The following RMDN1 variants were observed in gnomAD, a reference collection of about 807,000 sequenced individuals.
RMDN1 encodes regulator of microtubule dynamics 1.
RMDN1 carries 48 observed loss-of-function variants against 48.9 expected under a neutral mutation model. The ratio of observed to expected loss-of-function variants is 0.98; its 90% CI spans 0.78 to 1.25. The LOEUF is 1.25. Among genes scored for constraint, RMDN1 ranks in the 50% most tolerant of loss-of-function variants. RMDN1 has a pLI of 0.00. For synonymous variants in RMDN1, 148 were observed against 132.6 expected (o/e 1.12, Z -0.80); for missense variants, 418 against 373.4 (o/e 1.12, Z -0.98).
At chr8:86,477,433 T>G in intron 7 of RMDN1, 109 bp from the exon 8 acceptor site, 1 of 820,160 alleles carries the variant, frequency 1.2e-6, no homozygotes, top group Non-Finnish European at 1.9e-6. Flanking sequence ...AGTCAGGAAG[T>G]AAATCATCTT....
intron 8 of RMDN1, among the ~76,000 whole-genome samples, chr8:86,476,267 A>G (rs541092569): frequency 6.6e-6 from 1 of 152,342 alleles, no homozygotes; most frequent in South Asian, 2.1e-4. Flanking sequence ...ATGATATGTG[A>G]AACAGTATGA....
At chr8:86,468,794 A>T (rs1323711417), downstream of RMDN1, 2 of 441,710 alleles carry the variant, frequency 4.5e-6, no homozygotes, top group Non-Finnish European at 9.0e-6. Context: ...CAAGACCTAC[A>T]GGCAGAGCTC....
intron 5 of RMDN1, 185 bp downstream of exon 5, chr8:86,484,687 T>C (rs1252476774): frequency 7.7e-5 from 31 of 402,582 alleles, no homozygotes; most frequent in Non-Finnish European, 8.7e-6. Context: ...CATTGCACTC[T>C]AGCCCGGATG....
chr8:86,494,422 G>C (rs1268488653), intron 2 of RMDN1, among the ~76,000 whole-genome samples: 1 of 152,152 alleles, frequency 6.6e-6, no homozygotes, highest in Non-Finnish European at 1.5e-5. Context: ...TGGGCATGGT[G>C]ACACATGCCT....
rs531580744 is a variant in RMDN1 at position 86,472,699 on chromosome 8, T to C, written c.*1609A>G. ...CCTTGTTCCTGTGCGAGTTATGTCA[T>C]ATTTTTTACTGTTAAGTACTTATGC... On this transcript the variant is annotated 3_prime_UTR_variant, in exon 10 of 10. Transcript: ENST00000406452. 8.6e-4 allele frequency: 459 copies of C among 532,780 alleles called. 2 individuals carry two copies. Among genetic ancestry groups the C allele is most frequent in the Non-Finnish European group, 1.3e-3 (406 of 302,876 alleles). 33.0% of individuals were successfully genotyped at this position (532,780 alleles called of 1,614,324 possible). A position where few individuals can be genotyped will look rare whatever the true frequency, so the allele number is the denominator to read the frequency against.
Position 86,473,895 on chromosome 8 carries a change from TCAC to T in RMDN1, c.*410_*412del, listed in dbSNP as rs1398445806. 3 of 998,258 alleles carry T rather than the reference TCAC, an allele frequency of 3.0e-6. No individual in the cohort carries two copies. Among genetic ancestry groups the T allele is most frequent in the East Asian group, 1.1e-4 (1 of 9,486 alleles). 61.8% of individuals were successfully genotyped at this position (998,258 alleles called of 1,614,324 possible). The stretch of plus-strand genomic sequence containing the variant: ...GGAACCCACAACATCCTAACCACTG[TCAC>T]CACACCTTCTCTTCAAGATTTCAAC... On this transcript the variant is annotated 3_prime_UTR_variant, in exon 10 of 10. Transcript: ENST00000406452.
intron 2 of RMDN1, among the ~76,000 whole-genome samples, chr8:86,497,718 A>C (rs1168033584): frequency 6.6e-6 from 1 of 151,524 alleles, no homozygotes; most frequent in African/African-American, 2.4e-5. Context: ...AAAAAAAAGA[A>C]AGAAAGAAAA....
upstream of RMDN1, among the ~76,000 whole-genome samples, chr8:86,512,926 A>G (rs1354554888): frequency 6.6e-6 from 1 of 152,058 alleles, no homozygotes; most frequent in Non-Finnish European, 1.5e-5. Flanking sequence ...AAATAAAATA[A>G]AAATGTTTAG....
chr8:86,474,242 T>G lies in RMDN1; in HGVS notation c.*66A>C. ...CGTAGAACAGTTATAGTTCATATAT[T>G]AAGTTTAGAATTAAAAGAAAAGGCA... On this transcript the variant is annotated 3_prime_UTR_variant, in exon 10 of 10. Transcript: ENST00000406452. 1 of 1,603,484 alleles carries G rather than the reference T, an allele frequency of 6.2e-7. No individual in the cohort carries two copies. Among genetic ancestry groups the G allele is most frequent in the South Asian group, 1.1e-5 (1 of 89,060 alleles).
At chr8:86,506,947 C>G (rs767265075) in intron 2 of RMDN1, 48 bp downstream of exon 2, 1 of 921,056 alleles carries the variant, frequency 1.1e-6, no homozygotes, top group Non-Finnish European at 1.8e-6. Flanking sequence ...TCTGAATGTA[C>G]GCACACAAAA....
intron 5 of RMDN1, chr8:86,482,698 AC>A: frequency 3.1e-6 from 3 of 975,704 alleles, no homozygotes; most frequent in Non-Finnish European, 5.0e-6. Flanking sequence ...GATCAAGGGG[AC>A]CCCAGCTTTG....
At chr8:86,482,787 G>T in intron 5 of RMDN1, 2 of 917,402 alleles carry the variant, frequency 2.2e-6, no homozygotes, top group Non-Finnish European at 3.7e-6. Flanking sequence ...GACAAGTAGT[G>T]GCATTATCAG....
intron 2 of RMDN1, among the ~76,000 whole-genome samples, chr8:86,498,758 G>T (rs1817767995): frequency 6.6e-6 from 1 of 152,134 alleles, no homozygotes; most frequent in African/African-American, 2.4e-5. Flanking sequence ...TCCAGCATGG[G>T]TGACAGAGTG....
At chr8:86,485,417 T>C (rs1041912631) in intron 4 of RMDN1, among the ~76,000 whole-genome samples, 3 of 152,074 alleles carry the variant, frequency 2.0e-5, no homozygotes, top group African/African-American at 7.2e-5. Context: ...AGAATGAGAC[T>C]ATGTCTAAAA....
chr8:86,497,789 T>C (rs1212393318), intron 2 of RMDN1, among the ~76,000 whole-genome samples: 1 of 150,106 alleles, frequency 6.7e-6, no homozygotes, highest in African/African-American at 2.4e-5. Context: ...ATATTAACAC[T>C]AACACCAGAG....
chr8:86,504,060 C>A, intron 2 of RMDN1: 1 of 852,720 alleles, frequency 1.2e-6, no homozygotes, highest in Non-Finnish European at 2.1e-6. Flanking sequence ...ACCAGCTGGG[C>A]ATCATTGTCA....
At chr8:86,470,505 G>C, downstream of RMDN1, 1 of 1,064,534 alleles carries the variant, frequency 9.4e-7, no homozygotes, top group Non-Finnish European at 1.2e-6. Context: ...AGAGAGTAAA[G>C]GGGAAAAATG....
intron 5 of RMDN1, chr8:86,481,815 G>C (rs1814510786): frequency 3.3e-5 from 36 of 1,082,754 alleles, no homozygotes; most frequent in Non-Finnish European, 4.5e-5. Context: ...GTAGAGTAGG[G>C]CTTTATTTCC....
At chr8:86,483,895 T>C (rs1056742730) in intron 5 of RMDN1, among the ~76,000 whole-genome samples, 16 of 151,772 alleles carry the variant, frequency 1.1e-4, no homozygotes, top group African/African-American at 3.9e-4. Context: ...TATGCAATTC[T>C]TTGCACCTAA....
Sources: gnomAD v4.1 joint callset for allele counts (sites outside exome capture counted in the v4.1 genomes callset) on GRCh38, gnomAD v4.1.1 for gene constraint, MANE v1.5 for transcripts, NCBI Gene and HGNC (gene_info 2026-07-23, HGNC 2026-07-21) for gene names.